The following SLC35F1 variants were observed in gnomAD, a reference collection of about 807,000 sequenced individuals.
The protein encoded by SLC35F1 is chromosome 6 open reading frame 169.
SLC35F1 carries 14 observed loss-of-function variants against 48.7 expected under a neutral mutation model. That is an observed-to-expected ratio of 0.29 (90% CI 0.19 to 0.45). The LOEUF is 0.45. SLC35F1 is among the 20% of genes least tolerant of loss of function. The probability of loss-of-function intolerance (pLI) is 1.00; values close to 1 mark genes in which losing one functional copy is unlikely to be tolerated. For synonymous variants in SLC35F1, 190 were observed against 202.2 expected (o/e 0.94, Z 0.51); for missense variants, 404 against 500.0 (o/e 0.81, Z 1.83).
Position 118,177,708 on chromosome 6 carries a change from A to G in SLC35F1, c.349+23088A>G, listed in dbSNP as rs557612946. Among the ~76,000 whole-genome samples, 3 of 152,222 alleles carry G rather than the reference A, an allele frequency of 2.0e-5. No individual in the cohort carries two copies. In the East Asian group the frequency reaches 5.8e-4, roughly 29 times the overall value. On this transcript the variant is annotated intron_variant, in intron 2 of 7. Transcript: ENST00000360388. ...TGTTTTAAAAAAACAGTCAATATTC[A>G]TAATTTAAACAGAATTTTCCTCTGT...
In SLC35F1 at chr6:118,008,153, T is replaced by C. The variant is rs192606396; in HGVS notation, c.173+100254T>C. On this transcript the variant is annotated intron_variant, in intron 1 of 7. Transcript: ENST00000360388. Reference sequence around the variant, plus strand: ...CTAGATAAATGTTTGAGATGATGTATATCCCAATTACCCTGATTTGATCAC... The same window carrying C: ...CTAGATAAATGTTTGAGATGATGTACATCCCAATTACCCTGATTTGATCAC... Among the ~76,000 whole-genome samples, 28 of 152,250 alleles carry C rather than the reference T, an allele frequency of 1.8e-4. No individual in the cohort carries two copies. In the East Asian group the frequency reaches 5.0e-3, roughly 27 times the overall value.
chr6:118,076,759 A>G (rs1352549972), intron 1 of SLC35F1, among the ~76,000 whole-genome samples: 2 of 152,152 alleles, frequency 1.3e-5, no homozygotes, highest in Non-Finnish European at 2.9e-5. Context: ...AATTTAAAAT[A>G]CTGTCTTTAC....
intron 1 of SLC35F1, among the ~76,000 whole-genome samples, chr6:117,942,831 C>T (rs938529822): frequency 2.6e-5 from 4 of 152,192 alleles, no homozygotes; most frequent in Admixed American, 1.3e-4. Context: ...TCACATTTGA[C>T]GTTTTAGCTA....
intron 7 of SLC35F1, among the ~76,000 whole-genome samples, chr6:118,288,982 G>A (rs1237836337): frequency 1.3e-5 from 2 of 152,124 alleles, no homozygotes; most frequent in African/African-American, 4.8e-5. Flanking sequence ...TGCTCATGCT[G>A]CCCTTTATAA....
At chr6:118,244,155 C>G (rs1395045278) in intron 3 of SLC35F1, among the ~76,000 whole-genome samples, 1 of 152,216 alleles carries the variant, frequency 6.6e-6, no homozygotes, top group Non-Finnish European at 1.5e-5. Flanking sequence ...GTCAATCTCT[C>G]TTTAGTTCCA....
intron 1 of SLC35F1, chr6:117,999,216 T>C (rs1266234918): frequency 1.3e-6 from 2 of 1,595,834 alleles, no homozygotes; most frequent in African/African-American, 2.7e-5. Flanking sequence ...CCCAAGGAGG[T>C]TAAGCCCAAG....
chr6:118,229,079 G>A (rs916925194), intron 2 of SLC35F1, among the ~76,000 whole-genome samples: 7 of 151,858 alleles, frequency 4.6e-5, no homozygotes, highest in African/African-American at 1.7e-4. Context: ...TGGCTTGGAT[G>A]TGGACTGTGT....
At chr6:118,134,468 A>G (rs1226869698) in intron 1 of SLC35F1, among the ~76,000 whole-genome samples, 14 of 152,234 alleles carry the variant, frequency 9.2e-5, no homozygotes, top group Admixed American at 9.2e-4. Context: ...ATGCTAGTCC[A>G]CAAATGAGCT....
chr6:118,300,896 T>C (rs1776247958), intron 7 of SLC35F1, among the ~76,000 whole-genome samples: 1 of 152,226 alleles, frequency 6.6e-6, no homozygotes, highest in Non-Finnish European at 1.5e-5. Context: ...AATGTACATG[T>C]TGGTGATCAG....
intron 2 of SLC35F1, among the ~76,000 whole-genome samples, chr6:118,226,193 C>T (rs1028985898): frequency 2.0e-5 from 3 of 152,002 alleles, no homozygotes; most frequent in Non-Finnish European, 4.4e-5. Context: ...TGACTTTTGT[C>T]AAAAAGACAA....
intron 6 of SLC35F1, among the ~76,000 whole-genome samples, chr6:118,279,940 G>A (rs555619868): frequency 1.3e-5 from 2 of 152,082 alleles, no homozygotes; most frequent in South Asian, 4.1e-4. Flanking sequence ...AAAGATGGTT[G>A]TTGTTGTTGT....
chr6:118,308,025 G>C (rs1467537668), intron 7 of SLC35F1, among the ~76,000 whole-genome samples: 1 of 152,170 alleles, frequency 6.6e-6, no homozygotes, highest in Non-Finnish European at 1.5e-5. Flanking sequence ...GACAGTTGCC[G>C]AAAGGTCCAC....
chr6:118,228,003 G>A (rs1429495297), intron 2 of SLC35F1, among the ~76,000 whole-genome samples: 1 of 152,178 alleles, frequency 6.6e-6, no homozygotes, highest in Non-Finnish European at 1.5e-5. Context: ...TTGAGGTTCA[G>A]AGCCACTAAC....
chr6:118,038,153 A>G (rs935409890), intron 1 of SLC35F1, among the ~76,000 whole-genome samples: 1 of 152,214 alleles, frequency 6.6e-6, no homozygotes, highest in Non-Finnish European at 1.5e-5. Flanking sequence ...ATCTACATAC[A>G]TTAAAAGCCT....
chr6:117,908,906 CAG>C (rs1775730122), intron 1 of SLC35F1, among the ~76,000 whole-genome samples: 1 of 152,130 alleles, frequency 6.6e-6, no homozygotes, highest in African/African-American at 2.4e-5. Context: ...TGTTGGGTAG[CAG>C]AGATTCCCAA....
intron 2 of SLC35F1, among the ~76,000 whole-genome samples, chr6:118,233,844 G>A (rs1226309865): frequency 2.6e-5 from 4 of 152,234 alleles, no homozygotes; most frequent in African/African-American, 9.6e-5. Flanking sequence ...AAGACTTTGT[G>A]CATGCTTGAA....
chr6:117,976,501 A>AT (rs1776707086), intron 1 of SLC35F1, among the ~76,000 whole-genome samples: 1 of 118,102 alleles, frequency 8.5e-6, no homozygotes, highest in African/African-American at 3.3e-5. Flanking sequence ...ATTCCTGTTT[A>AT]TTTTTTACTG....
At chr6:118,021,980 G>T (rs1043088039) in intron 1 of SLC35F1, among the ~76,000 whole-genome samples, 4 of 152,148 alleles carry the variant, frequency 2.6e-5, no homozygotes, top group African/African-American at 9.7e-5. Flanking sequence ...CAGAATTCTT[G>T]CAGTGTCAAA....
intron 7 of SLC35F1, among the ~76,000 whole-genome samples, chr6:118,287,692 C>T (rs1266832576): frequency 1.3e-5 from 2 of 152,170 alleles, no homozygotes; most frequent in African/African-American, 4.8e-5. Flanking sequence ...TAACAGTGTA[C>T]TCGAACAGTG....
Sources: gnomAD v4.1 joint callset for allele counts (sites outside exome capture counted in the v4.1 genomes callset) on GRCh38, gnomAD v4.1.1 for gene constraint, MANE v1.5 for transcripts, NCBI Gene and HGNC (gene_info 2026-07-23, HGNC 2026-07-21) for gene names.